Variants in EXOC6 observed in about 807,000 individuals in gnomAD.
EXOC6 encodes the protein SEC15-like 1.
In EXOC6, 60 loss-of-function variants were observed where a neutral mutation model predicts 112.5. That is an observed-to-expected ratio of 0.53 (90% CI 0.43 to 0.66). EXOC6 has a LOEUF of 0.66. Among genes scored for constraint, EXOC6 ranks in the 30% least tolerant of loss-of-function variants. The pLI, the probability that EXOC6 is intolerant of heterozygous loss-of-function variation, is 0.00. For missense variants in EXOC6, 855 were observed against 957.1 expected, an observed-to-expected ratio of 0.89 and a Z score of 1.41; for synonymous variants, 295 against 308.0, an observed-to-expected ratio of 0.96 and a Z score of 0.44.
At chr10:92,896,173 ATATATATATTTTTTTTTT>A (rs1849795647) in intron 4 of EXOC6, among the ~76,000 whole-genome samples, 10 of 23,806 alleles carry the variant, frequency 4.2e-4, no homozygotes, top group African/African-American at 1.3e-3. Context: ...ATATATATAT[ATATATATATTTTTTTTTT>A]TTTTTTTTTT....
chr10:92,923,007 T>C (rs961496865), intron 8 of EXOC6, among the ~76,000 whole-genome samples: 5 of 152,196 alleles, frequency 3.3e-5, no homozygotes, highest in Non-Finnish European at 7.3e-5. Flanking sequence ...GTTCTTCTCT[T>C]ACTGTTGGTG....
chr10:92,909,991 T>A (rs532901135), intron 6 of EXOC6, among the ~76,000 whole-genome samples: 1 of 152,366 alleles, frequency 6.6e-6, no homozygotes, highest in Non-Finnish European at 1.5e-5. Flanking sequence ...GATTCTAAAC[T>A]GTTCTCTATT....
intron 1 of EXOC6, among the ~76,000 whole-genome samples, chr10:92,856,685 A>G (rs1847616808): frequency 6.6e-6 from 1 of 152,172 alleles, no homozygotes; most frequent in Non-Finnish European, 1.5e-5. Flanking sequence ...GGAGTATTCT[A>G]TAGAGGTCTG....
intron 7 of EXOC6, among the ~76,000 whole-genome samples, chr10:92,918,856 G>A (rs1851270632): frequency 6.6e-6 from 1 of 152,116 alleles, no homozygotes; most frequent in Admixed American, 6.5e-5. Flanking sequence ...GTGTATATAT[G>A]TGTATATATG....
At chr10:93,014,871 G>A (rs375239340) in intron 20 of EXOC6, among the ~76,000 whole-genome samples, 36 of 151,534 alleles carry the variant, frequency 2.4e-4, no homozygotes, top group East Asian at 1.5e-3. Context: ...ATCTATTGTC[G>A]TTTTATTTAT....
intron 1 of EXOC6, among the ~76,000 whole-genome samples, chr10:92,859,352 C>T (rs894913627): frequency 2.0e-5 from 3 of 152,302 alleles, no homozygotes; most frequent in South Asian, 2.1e-4. Context: ...CCTGGAATGA[C>T]AGTGATTTTA....
At chr10:93,013,118 G>A (rs998358341) in intron 19 of EXOC6, among the ~76,000 whole-genome samples, 3 of 152,060 alleles carry the variant, frequency 2.0e-5, no homozygotes, top group African/African-American at 7.2e-5. Flanking sequence ...CATGTAAAAT[G>A]ACAGGGTCTT....
chr10:92,879,058 C>A (rs914400000), intron 1 of EXOC6, among the ~76,000 whole-genome samples: 4 of 152,120 alleles, frequency 2.6e-5, no homozygotes, highest in Non-Finnish European at 4.4e-5. Context: ...TTGCTTCCAC[C>A]TCAGGATATA....
intron 18 of EXOC6, among the ~76,000 whole-genome samples, chr10:92,976,280 T>C (rs1283529144): frequency 6.6e-6 from 1 of 152,350 alleles, no homozygotes; most frequent in Non-Finnish European, 1.5e-5. Context: ...TTGCCGTGTC[T>C]GTGTAGAAAG....
chr10:92,951,356 G>A (rs1170787165), intron 14 of EXOC6, among the ~76,000 whole-genome samples: 4 of 152,124 alleles, frequency 2.6e-5, no homozygotes, highest in Admixed American at 2.6e-4. Flanking sequence ...ATTAAGTAAT[G>A]GCTAGAGGAA....
At chr10:92,861,852 G>A (rs923770271) in intron 1 of EXOC6, among the ~76,000 whole-genome samples, 1 of 152,184 alleles carries the variant, frequency 6.6e-6, no homozygotes, top group Non-Finnish European at 1.5e-5. Context: ...ATTTTCATTA[G>A]TTAGAGTTGT....
intron 20 of EXOC6, among the ~76,000 whole-genome samples, chr10:93,018,993 T>G (rs1310142553): frequency 6.6e-6 from 1 of 152,020 alleles, no homozygotes; most frequent in Non-Finnish European, 1.5e-5. Flanking sequence ...TCATAAAGAT[T>G]GCTAACCCAA....
intron 1 of EXOC6, among the ~76,000 whole-genome samples, chr10:92,880,400 C>T (rs7904552): frequency 0.41 from 62,183 of 151,296 alleles, 13,281 homozygotes; most frequent in African/African-American, 0.51. Flanking sequence ...TCCAGGGATA[C>T]GGAACCCCCA....
rs1852629752 is a variant in EXOC6 at position 92,940,909 on chromosome 10, C to T, written c.1310+85C>T. 5 of 866,356 alleles carry T rather than the reference C, an allele frequency of 5.8e-6. No individual in the cohort carries two copies. In the East Asian group the frequency reaches 1.3e-4, roughly 23 times the overall value. 53.7% of individuals were successfully genotyped at this position (866,356 alleles called of 1,614,324 possible). On this transcript the variant is annotated intron_variant, in intron 13 of 21. Coordinates refer to ENST00000260762, the MANE Select transcript of EXOC6 (RefSeq NM_019053.6). Reference sequence around the variant, plus strand: ...TCATTTGCATATATTAATAAAAATGCTTATAATCATTTTTATTGTAGTAAA... The same window carrying T: ...TCATTTGCATATATTAATAAAAATGTTTATAATCATTTTTATTGTAGTAAA...
intron 20 of EXOC6, among the ~76,000 whole-genome samples, chr10:93,048,974 A>C (rs1404895775): frequency 1.3e-5 from 2 of 152,202 alleles, no homozygotes; most frequent in Non-Finnish European, 2.9e-5. Context: ...AAAAGTTTAT[A>C]TAACAAATTC....
intron 13 of EXOC6, among the ~76,000 whole-genome samples, chr10:92,941,091 C>T (rs1852644186): frequency 1.3e-5 from 2 of 152,200 alleles, no homozygotes; most frequent in African/African-American, 4.8e-5. Context: ...TCCATTTCCC[C>T]CTTCCCCCAG....
chr10:92,997,745 T>C, intron 19 of EXOC6, 130 bp downstream of exon 19: 1 of 669,350 alleles, frequency 1.5e-6, no homozygotes, highest in Non-Finnish European at 2.2e-6. Flanking sequence ...TTTAGCAGCC[T>C]TAGGAGTAGG....
chr10:92,927,948 G>A (rs1479843310), intron 8 of EXOC6, among the ~76,000 whole-genome samples: 1 of 152,162 alleles, frequency 6.6e-6, no homozygotes, highest in African/African-American at 2.4e-5. Context: ...AGATGAGGCA[G>A]GGGCTTGTAT....
chr10:92,892,972 A>T (rs1002093758), intron 1 of EXOC6, among the ~76,000 whole-genome samples: 3 of 152,180 alleles, frequency 2.0e-5, no homozygotes, highest in African/African-American at 7.2e-5. Flanking sequence ...AGCATTTAGA[A>T]CATGAGCGTT....
Sources: allele counts gnomAD v4.1 joint callset (sites outside exome capture counted in the v4.1 genomes callset), GRCh38; gene constraint gnomAD v4.1.1; transcripts MANE v1.5; gene names NCBI Gene and HGNC (gene_info 2026-07-23, HGNC 2026-07-21).